ZMAT4: variants seen among roughly 807,000 people sequenced by gnomAD.
ZMAT4 encodes the protein zinc finger matrin-type protein 4.
In ZMAT4, 17 loss-of-function variants were observed where a neutral mutation model predicts 28.7. That is an observed-to-expected ratio of 0.59 (90% CI 0.41 to 0.89). ZMAT4 has a LOEUF of 0.89. Among genes scored for constraint, ZMAT4 ranks in the 40% least tolerant of loss-of-function variants. The probability of loss-of-function intolerance (pLI) is 0.00; values close to 1 mark genes in which losing one functional copy is unlikely to be tolerated. For missense variants in ZMAT4, 240 were observed against 283.8 expected, an observed-to-expected ratio of 0.85 and a Z score of 1.11; for synonymous variants, 117 against 109.2, an observed-to-expected ratio of 1.07 and a Z score of -0.44.
intron 6 of ZMAT4, among the ~76,000 whole-genome samples, chr8:40,561,374 C>T (rs960958372): frequency 6.6e-6 from 1 of 152,046 alleles, no homozygotes; most frequent in Non-Finnish European, 1.5e-5. Flanking sequence ...GCCTGCACAG[C>T]GTTTCTTATA....
intron 1 of ZMAT4, among the ~76,000 whole-genome samples, chr8:40,846,250 T>C (rs1447730251): frequency 1.3e-5 from 2 of 152,118 alleles, no homozygotes; most frequent in Non-Finnish European, 2.9e-5. Context: ...TCTCTCTCTC[T>C]CCCTGATCCA....
chr8:40,667,593 A>G (rs1252353247), intron 5 of ZMAT4, among the ~76,000 whole-genome samples: 1 of 152,190 alleles, frequency 6.6e-6, no homozygotes, highest in African/African-American at 2.4e-5. Flanking sequence ...TGCAGTAGAA[A>G]GTGATCTCTC....
chr8:40,690,592 A>C (rs1809618563), intron 4 of ZMAT4, among the ~76,000 whole-genome samples: 1 of 152,190 alleles, frequency 6.6e-6, no homozygotes, highest in Non-Finnish European at 1.5e-5. Flanking sequence ...AACCTGATTC[A>C]GATGAAATAA....
chr8:40,561,408 G>T (rs1021187458), intron 6 of ZMAT4, among the ~76,000 whole-genome samples: 3 of 152,034 alleles, frequency 2.0e-5, no homozygotes, highest in Non-Finnish European at 4.4e-5. Flanking sequence ...TATGTTTCTG[G>T]TTTTCACTCT....
rs186041846 is a variant in ZMAT4, at chr8:40,827,877, C to T, written c.-4-2197G>A. The stretch of plus-strand genomic sequence containing the variant: ...TAGGTTGAATTAAAATCTGTCCCAC[C>T]GTAGTTTTCATTCAGTGATTCTGTC... On this transcript the variant is annotated intron_variant, in intron 1 of 6. Coordinates refer to ENST00000297737, the MANE Select transcript of ZMAT4 (RefSeq NM_024645.3). 1.4e-4 allele frequency among the ~76,000 whole-genome samples: 22 copies of T among 152,290 alleles called. No individual in the cohort carries two copies. The East Asian group carries it at 3.1e-3, about 21-fold the overall frequency.
At chr8:40,889,319 T>C (rs1052787223) in intron 1 of ZMAT4, among the ~76,000 whole-genome samples, 1 of 152,176 alleles carries the variant, frequency 6.6e-6, no homozygotes, top group Non-Finnish European at 1.5e-5. Context: ...GCGTTTATCT[T>C]CTCCCACCAA....
At chr8:40,670,840 G>T (rs1327196331) in intron 5 of ZMAT4, among the ~76,000 whole-genome samples, 1 of 152,068 alleles carries the variant, frequency 6.6e-6, no homozygotes, top group Non-Finnish European at 1.5e-5. Flanking sequence ...AGGCCAAGGT[G>T]GGCAGATCAT....
intron 2 of ZMAT4, among the ~76,000 whole-genome samples, chr8:40,808,235 TC>T (rs2150593442): frequency 6.7e-6 from 1 of 148,392 alleles, no homozygotes; most frequent in Non-Finnish European, 1.5e-5. Context: ...TATAATACTT[TC>T]CTTTCCCTTC....
At chr8:40,851,856 C>A (rs1305512792) in intron 1 of ZMAT4, among the ~76,000 whole-genome samples, 2 of 152,094 alleles carry the variant, frequency 1.3e-5, no homozygotes, top group Non-Finnish European at 2.9e-5. Flanking sequence ...CCCTATAGAA[C>A]ACCAGAATTT....
At chr8:40,791,063 A>C (rs927365309) in intron 2 of ZMAT4, among the ~76,000 whole-genome samples, 1 of 152,260 alleles carries the variant, frequency 6.6e-6, no homozygotes, top group Non-Finnish European at 1.5e-5. Flanking sequence ...AAGATGCTGA[A>C]GCAACTGGAT....
chr8:40,760,649 T>C (rs894596938), intron 3 of ZMAT4, among the ~76,000 whole-genome samples: 48 of 152,164 alleles, frequency 3.2e-4, no homozygotes, highest in African/African-American at 1.1e-3. Context: ...CTGACTTTTT[T>C]CATGGTCGAG....
intron 4 of ZMAT4, among the ~76,000 whole-genome samples, chr8:40,677,265 T>C (rs1037634200): frequency 6.6e-6 from 1 of 151,396 alleles, no homozygotes; most frequent in Non-Finnish European, 1.5e-5. Flanking sequence ...ATAATTCCAC[T>C]ATCTTGTGTA....
chr8:40,833,540 C>CAAA lies in ZMAT4; in HGVS notation c.-4-7863_-4-7861dup, dbSNP rs57458575. Among the ~76,000 whole-genome samples the CAAA allele has an allele frequency of 2.8e-4, 24 of 87,078 alleles. No homozygotes were observed. In the East Asian group the frequency reaches 5.0e-3, roughly 18 times the overall value. 57.1% of individuals were successfully genotyped at this position (87,078 alleles called of 152,430 possible). A position where few individuals can be genotyped will look rare whatever the true frequency, so the allele number is the denominator to read the frequency against. On this transcript the variant is annotated intron_variant, in intron 1 of 6. Transcript: ENST00000297737. The stretch of plus-strand genomic sequence containing the variant: ...CCGAGATCATACCACTACACTCCAG[C>CAAA]AAAAAAAAAAAAAAAAAAGACATGA...
At chr8:40,761,077 G>T (rs556392688) in intron 3 of ZMAT4, among the ~76,000 whole-genome samples, 1 of 152,034 alleles carries the variant, frequency 6.6e-6, no homozygotes, top group Non-Finnish European at 1.5e-5. Flanking sequence ...GGCAGGGGGG[G>T]ATAATTTGCT....
chr8:40,587,062 G>A (rs1346187671), intron 5 of ZMAT4, among the ~76,000 whole-genome samples: 2 of 151,076 alleles, frequency 1.3e-5, no homozygotes, highest in Admixed American at 1.3e-4. Context: ...CAAGCATAGA[G>A]GCCCAGAGTG....
chr8:40,688,735 T>A (rs1809531321), intron 4 of ZMAT4, among the ~76,000 whole-genome samples: 1 of 152,220 alleles, frequency 6.6e-6, no homozygotes, highest in South Asian at 2.1e-4. Context: ...TAAGTGAACA[T>A]GCTAGGTGTC....
chr8:40,757,034 G>A (rs1401106544), intron 3 of ZMAT4, among the ~76,000 whole-genome samples: 1 of 152,124 alleles, frequency 6.6e-6, no homozygotes, highest in African/African-American at 2.4e-5. Flanking sequence ...ACGCAGGGCA[G>A]CACTTCAGTG....
intron 2 of ZMAT4, among the ~76,000 whole-genome samples, chr8:40,809,979 G>A (rs908728827): frequency 6.6e-6 from 1 of 152,180 alleles, no homozygotes; most frequent in Non-Finnish European, 1.5e-5. Flanking sequence ...GGAGGCAGAG[G>A]TTGCAGTGAG....
At chr8:40,705,995 C>T (rs1029904358) in intron 3 of ZMAT4, among the ~76,000 whole-genome samples, 1 of 152,152 alleles carries the variant, frequency 6.6e-6, no homozygotes, top group Non-Finnish European at 1.5e-5. Flanking sequence ...GAGTGAGTGG[C>T]TACTGCATTA....
Sources: gnomAD v4.1 joint callset for allele counts (sites outside exome capture counted in the v4.1 genomes callset) on GRCh38, gnomAD v4.1.1 for gene constraint, MANE v1.5 for transcripts, NCBI Gene and HGNC (gene_info 2026-07-23, HGNC 2026-07-21) for gene names.